Variants in PTPRG observed in about 807,000 individuals in gnomAD.
The protein encoded by PTPRG is receptor-type tyrosine-protein phosphatase gamma.
In PTPRG, 102 loss-of-function variants were observed where a neutral mutation model predicts 165.3. The observed-to-expected ratio is 0.62, with a 90% CI of 0.53 to 0.73. The LOEUF (loss-of-function observed/expected upper bound fraction) is 0.73. PTPRG is among the 30% of genes least tolerant of loss of function. The pLI is 0.00. For missense variants in PTPRG, 1,866 were observed against 1,861.4 expected, an observed-to-expected ratio of 1.00 and a Z score of -0.05; for synonymous variants, 675 against 669.5, an observed-to-expected ratio of 1.01 and a Z score of -0.13.
intron 2 of PTPRG, among the ~76,000 whole-genome samples, chr3:61,777,657 A>G (rs1046085134): frequency 5.9e-5 from 9 of 152,308 alleles, no homozygotes; most frequent in African/African-American, 2.2e-4. Context: ...TTTTCAGCCA[A>G]AACCGTGGAA....
In PTPRG at chr3:62,219,524, C is replaced by T. The variant is rs1193266749; in HGVS notation, c.2288+541C>T. 1.3e-5 allele frequency among the ~76,000 whole-genome samples: 2 copies of T among 152,176 alleles called. No individual in the cohort carries two copies. Among genetic ancestry groups the T allele is most frequent in the Non-Finnish European group, 1.5e-5 (1 of 68,028 alleles). On this transcript the variant is annotated intron_variant, in intron 13 of 29. Coordinates refer to ENST00000474889, the MANE Select transcript of PTPRG (RefSeq NM_002841.4). This position sits in a 1 kb window ranked among gnomAD's most constrained non-coding sequence, Gnocchi z 4.5. ...GCAGATTGTAAGCTATCCGGATTCT[C>T]ACTGCTTCTCATGGGAAGCCAGGTT...
intron 2 of PTPRG, among the ~76,000 whole-genome samples, chr3:61,929,164 C>G (rs1000766060): frequency 6.6e-6 from 1 of 152,224 alleles, no homozygotes; most frequent in African/African-American, 2.4e-5. Context: ...TCACCAAAAA[C>G]ATGTCAAAAA....
intron 4 of PTPRG, among the ~76,000 whole-genome samples, chr3:62,007,518 C>T (rs184092529): frequency 8.3e-4 from 127 of 152,338 alleles, no homozygotes; most frequent in African/African-American, 2.9e-3. Context: ...GATGCCCTCA[C>T]CTCCTGTTAC....
chr3:61,709,779 T>A (rs2031458021), intron 1 of PTPRG, among the ~76,000 whole-genome samples: 1 of 152,160 alleles, frequency 6.6e-6, no homozygotes, highest in Non-Finnish European at 1.5e-5. Flanking sequence ...CTTTTCACTG[T>A]GCAAATTAAC....
intron 1 of PTPRG, among the ~76,000 whole-genome samples, chr3:61,589,182 A>T (rs984875328): frequency 2.0e-5 from 3 of 152,234 alleles, no homozygotes. Flanking sequence ...TGAAATACCC[A>T]TGCCCATATT....
chr3:62,256,386 T>C (rs1282258946), intron 16 of PTPRG, among the ~76,000 whole-genome samples: 1 of 152,204 alleles, frequency 6.6e-6, no homozygotes, highest in Admixed American at 6.5e-5. Context: ...TTAGTTTTTT[T>C]GTTAGTTTTT....
chr3:61,857,017 C>T (rs1322715431), intron 2 of PTPRG, among the ~76,000 whole-genome samples: 1 of 152,090 alleles, frequency 6.6e-6, no homozygotes, highest in Non-Finnish European at 1.5e-5. Flanking sequence ...AAAAAAAATG[C>T]CCTTTATGTG....
chr3:61,706,132 T>G (rs1231608820), intron 1 of PTPRG, among the ~76,000 whole-genome samples: 1 of 152,126 alleles, frequency 6.6e-6, no homozygotes, highest in Non-Finnish European at 1.5e-5. Context: ...TATCGACACT[T>G]TGCAGTGCCT....
chr3:62,040,669 G>GGTCTGCATCTC (rs11269426), intron 4 of PTPRG, among the ~76,000 whole-genome samples: 55 of 151,998 alleles, frequency 3.6e-4, no homozygotes, highest in African/African-American at 1.3e-3. Context: ...TGGCCAGGAT[G>GGTCTGCATCTC]TTGACCTCAT....
intron 2 of PTPRG, among the ~76,000 whole-genome samples, chr3:61,795,639 CAAAAAA>C (rs145136197): frequency 6.7e-5 from 4 of 59,450 alleles, no homozygotes; most frequent in African/African-American, 6.7e-5. Context: ...GACTCCGTCT[CAAAAAA>C]AAAAAAAAAA....
intron 1 of PTPRG, among the ~76,000 whole-genome samples, chr3:61,712,633 A>C (rs1972148): frequency 0.21 from 32,251 of 151,896 alleles, 3,545 homozygotes; most frequent in East Asian, 0.24. Flanking sequence ...CTTCCCCTTC[A>C]CCTTCCACCA....
chr3:61,895,423 C>G lies in PTPRG; in HGVS notation c.191-94202C>G, dbSNP rs113516483. Among the ~76,000 whole-genome samples the G allele has an allele frequency of 7.9e-3, 1,198 of 152,272 alleles. 19 individuals carry two copies. The highest frequency in any genetic ancestry group is 0.023 in the African/African-American group (946 of 41,554). ...CTTGTCTTTTTATTTTTTCTTAGAT[C>G]TGCTGGCCTATCTTGCTAGTGATTA... On this transcript the variant is annotated intron_variant, in intron 2 of 29. Transcript: ENST00000474889.
intron 1 of PTPRG, among the ~76,000 whole-genome samples, chr3:61,584,586 T>C (rs550382733): frequency 2.6e-5 from 4 of 152,262 alleles, no homozygotes; most frequent in Admixed American, 6.5e-5. Context: ...TTTTTTTTTT[T>C]TTCTACTTTT....
intron 1 of PTPRG, among the ~76,000 whole-genome samples, chr3:61,725,509 G>C (rs2032220669): frequency 1.3e-5 from 2 of 152,150 alleles, no homozygotes; most frequent in African/African-American, 2.4e-5. Flanking sequence ...TCAAAAATCA[G>C]TTGGCCGTAC....
At chr3:61,867,252 A>G (rs2037438061) in intron 2 of PTPRG, among the ~76,000 whole-genome samples, 1 of 152,132 alleles carries the variant, frequency 6.6e-6, no homozygotes, top group Admixed American at 6.5e-5. Context: ...GCCAAGGAGC[A>G]ATTGCATGTG....
intron 2 of PTPRG, among the ~76,000 whole-genome samples, chr3:61,819,912 A>C (rs1348132301): frequency 6.6e-6 from 1 of 152,138 alleles, no homozygotes; most frequent in Admixed American, 6.5e-5. Context: ...GGAAAACATT[A>C]TAACTAGTTG....
intron 1 of PTPRG, among the ~76,000 whole-genome samples, chr3:61,671,300 T>G (rs1702979248): frequency 6.6e-6 from 1 of 151,860 alleles, no homozygotes; most frequent in Non-Finnish European, 1.5e-5. Flanking sequence ...TCTGCAGTGT[T>G]TGTGTCCCTG....
chr3:61,860,954 C>G (rs187621717), intron 2 of PTPRG, among the ~76,000 whole-genome samples: 2 of 152,078 alleles, frequency 1.3e-5, no homozygotes, highest in Non-Finnish European at 1.5e-5. Context: ...CAGCCACCCC[C>G]CTTCCCTGTC....
intron 4 of PTPRG, among the ~76,000 whole-genome samples, chr3:62,060,068 A>C (rs1427826939): frequency 2.6e-5 from 4 of 151,744 alleles, no homozygotes; most frequent in African/African-American, 9.7e-5. Context: ...AAATACAAAA[A>C]TTAGCTGGGC....
Sources: allele counts gnomAD v4.1 joint callset (sites outside exome capture counted in the v4.1 genomes callset), GRCh38; gene constraint gnomAD v4.1.1; non-coding constraint Gnocchi (gnomAD v3.1); transcripts MANE v1.5; gene names NCBI Gene and HGNC (gene_info 2026-07-23, HGNC 2026-07-21).